The following ACTR3C variants were observed in gnomAD, a reference collection of about 807,000 sequenced individuals.
ACTR3C encodes actin related protein 3C, also known as actin-related protein 3C.
Under a neutral mutation model 26.3 loss-of-function variants are expected in ACTR3C, and 18 were observed. The observed-to-expected ratio is 0.68, with a 90% CI of 0.47 to 1.01. ACTR3C has a LOEUF of 1.01. Ranked by LOEUF, ACTR3C falls within the 50% of genes least tolerant of loss-of-function variation. The pLI is 0.00. For synonymous variants in ACTR3C, 55 were observed against 94.5 expected, an observed-to-expected ratio of 0.58 and a Z score of 2.42; for missense variants, 184 against 250.7, an observed-to-expected ratio of 0.73 and a Z score of 1.80.
chr7:150,169,433 C>T, the ACTR3C span, among the ~76,000 whole-genome samples: 1 of 148,462 alleles, frequency 6.7e-6, no homozygotes, highest in Non-Finnish European at 1.5e-5. Context: ...GACACCAGAG[C>T]TCCCTCTCTC....
the ACTR3C span, among the ~76,000 whole-genome samples, chr7:150,085,362 A>T: frequency 6.6e-6 from 1 of 152,156 alleles, no homozygotes. Context: ...GTCACGCGGG[A>T]AGACAGAACC....
chr7:150,305,974 C>T (rs1795778576), intron 1 of ACTR3C, among the ~76,000 whole-genome samples: 1 of 152,148 alleles, frequency 6.6e-6, no homozygotes, highest in Non-Finnish European at 1.5e-5. Context: ...TTAACTATTC[C>T]ATTAACATAC....
the ACTR3C span, among the ~76,000 whole-genome samples, chr7:150,016,047 G>A: frequency 6.6e-6 from 1 of 151,690 alleles, no homozygotes. Flanking sequence ...ACAGTGCATA[G>A]GAAAGAGAGG....
chr7:150,176,422 A>G, the ACTR3C span, among the ~76,000 whole-genome samples: 1 of 151,022 alleles, frequency 6.6e-6, no homozygotes, highest in Non-Finnish European at 1.5e-5. Flanking sequence ...TCCTTCAAAA[A>G]GCCTTCCTCT....
At chr7:150,153,808 G>A in the ACTR3C span, among the ~76,000 whole-genome samples, 2 of 112,258 alleles carry the variant, frequency 1.8e-5, no homozygotes, top group South Asian at 7.2e-4. Context: ...CAATAGCAAA[G>A]ACTTGGAACC....
At chr7:150,258,039 G>A (rs564971653) in intron 6 of ACTR3C, among the ~76,000 whole-genome samples, 1 of 152,362 alleles carries the variant, frequency 6.6e-6, no homozygotes, top group East Asian at 1.9e-4. Context: ...GGGACTTGAG[G>A]AGATGGTTAA....
At chr7:149,961,948 T>C in the ACTR3C span, among the ~76,000 whole-genome samples, 4,176 of 151,634 alleles carry the variant, frequency 0.028, 137 homozygotes, top group African/African-American at 0.079. Flanking sequence ...AGAGGAAGTA[T>C]GGGCTCACAG....
chr7:150,286,519 G>A lies in ACTR3C; in HGVS notation c.319C>T (p.Pro107Ser), dbSNP rs769491476. ...AIKEKYCYICPDIVKEFAKYD... is the reference protein window; with the variant it reads ...AIKEKYCYICSDIVKEFAKYD... The stretch of plus-strand genomic sequence containing the variant: ...TTGGCAAATTCCTTGACTATATCGG[G>A]GCAAATGTAACAGTATTTCTCCTGC... The change falls in exon 5 of 8, where the codon CCC (proline) becomes TCC (serine). Residue 107 changes from proline to serine, a missense_variant. Pro to Ser is a moderately conservative substitution (Grantham distance 74). Coordinates refer to ENST00000683684, the MANE Select transcript of ACTR3C (RefSeq NM_001164458.2). 16 of 1,610,984 alleles carry A rather than the reference G, an allele frequency of 9.9e-6. No individual in the cohort carries two copies. The Admixed American group carries it at 1.0e-4, about 10-fold the overall frequency.
the ACTR3C span, among the ~76,000 whole-genome samples, chr7:150,005,583 C>T: frequency 1.1e-4 from 16 of 152,000 alleles, no homozygotes; most frequent in African/African-American, 3.4e-4. Context: ...GCAGTGACAC[C>T]GCCCTATCTC....
chr7:150,026,825 C>A, the ACTR3C span, among the ~76,000 whole-genome samples: 1 of 152,060 alleles, frequency 6.6e-6, no homozygotes, highest in Non-Finnish European at 1.5e-5. Flanking sequence ...TAGAGGCAAG[C>A]CTTTTGCCAA....
the ACTR3C span, among the ~76,000 whole-genome samples, chr7:150,036,145 C>T: frequency 5.7e-4 from 76 of 134,384 alleles, 5 homozygotes; most frequent in African/African-American, 2.0e-3. Context: ...TGAGTCCCCG[C>T]CTCGTGGGGG....
At chr7:150,022,152 A>C in the ACTR3C span, among the ~76,000 whole-genome samples, 1 of 151,938 alleles carries the variant, frequency 6.6e-6, no homozygotes, top group Admixed American at 6.6e-5. Flanking sequence ...TTTTTTAATT[A>C]TGGCCATTTG....
the ACTR3C span, among the ~76,000 whole-genome samples, chr7:150,048,815 C>T: frequency 6.6e-6 from 1 of 152,290 alleles, no homozygotes; most frequent in African/African-American, 2.4e-5. Context: ...GGCCGCCCTC[C>T]CTCCACAGCC....
the ACTR3C span, among the ~76,000 whole-genome samples, chr7:150,194,201 C>T: frequency 6.8e-6 from 1 of 147,828 alleles, no homozygotes; most frequent in East Asian, 2.0e-4. Flanking sequence ...TATGCAATAC[C>T]CCTATTTGCT....
chr7:150,063,552 T>A, the ACTR3C span, among the ~76,000 whole-genome samples: 1 of 151,634 alleles, frequency 6.6e-6, no homozygotes. Context: ...GTGTACTTAC[T>A]GATTTTATAA....
chr7:150,036,954 C>T, the ACTR3C span, among the ~76,000 whole-genome samples: 32 of 47,782 alleles, frequency 6.7e-4, no homozygotes, highest in Middle Eastern at 0.011. Flanking sequence ...GTGGGGGAAC[C>T]AGGGGCTGGC....
chr7:150,148,999 C>A, the ACTR3C span, among the ~76,000 whole-genome samples: 4 of 150,310 alleles, frequency 2.7e-5, no homozygotes, highest in Non-Finnish European at 5.9e-5. Flanking sequence ...CATGCTGCCA[C>A]TTTTGCCACC....
chr7:150,310,082 T>C lies in ACTR3C; in HGVS notation c.-52+13387A>G, dbSNP rs149896836. ...AACATGCTTTTATGCACTTTTTTAGTTATCCCCACCTGCCCAGTTCCCTTA... is the reference window on the plus strand; with the variant it reads ...AACATGCTTTTATGCACTTTTTTAGCTATCCCCACCTGCCCAGTTCCCTTA... On this transcript the variant is annotated intron_variant, in intron 1 of 7. Coordinates refer to ENST00000683684, the MANE Select transcript of ACTR3C (RefSeq NM_001164458.2). 6.7e-3 allele frequency among the ~76,000 whole-genome samples: 1,020 copies of C among 152,262 alleles called. 17 individuals are homozygous for C. The highest frequency in any genetic ancestry group is 0.023 in the African/African-American group (936 of 41,542).
At chr7:150,273,527 G>A (rs1038962680) in intron 6 of ACTR3C, among the ~76,000 whole-genome samples, 12 of 150,864 alleles carry the variant, frequency 8.0e-5, no homozygotes, top group Non-Finnish European at 1.3e-4. Context: ...TTGGCCTCCC[G>A]AAGTGATGGG....
Sources: allele counts gnomAD v4.1 joint callset (sites outside exome capture counted in the v4.1 genomes callset), GRCh38; gene constraint gnomAD v4.1.1; transcripts MANE v1.5; gene names NCBI Gene and HGNC (gene_info 2026-07-23, HGNC 2026-07-21).